KIRREL3: variants seen among roughly 807,000 people sequenced by gnomAD.
KIRREL3 encodes kirre like nephrin family adhesion molecule 3.
KIRREL3 carries 36 observed loss-of-function variants against 89.7 expected under a neutral mutation model. The ratio of observed to expected loss-of-function variants is 0.40; its 90% CI spans 0.31 to 0.53. The LOEUF (loss-of-function observed/expected upper bound fraction) is 0.53, where lower values mean the gene tolerates loss of function less well. Among genes scored for constraint, KIRREL3 ranks in the 20% least tolerant of loss-of-function variants. KIRREL3 has a pLI of 0.49. For missense variants in KIRREL3, 864 were observed against 1,056.6 expected (o/e 0.82, Z 2.53); for synonymous variants, 445 against 441.4 (o/e 1.01, Z -0.10).
intron 1 of KIRREL3, among the ~76,000 whole-genome samples, chr11:126,847,326 A>C (rs1479754547): frequency 6.6e-6 from 1 of 152,200 alleles, no homozygotes; most frequent in Non-Finnish European, 1.5e-5. Context: ...GAATTGTTAC[A>C]TAAAATCATT....
Position 126,669,513 on chromosome 11 carries a change from T to G in KIRREL3, c.56-106601A>C, listed in dbSNP as rs1945840233. On this transcript the variant is annotated intron_variant, in intron 1 of 16. Coordinates refer to ENST00000525144, the MANE Select transcript of KIRREL3 (RefSeq NM_032531.4). The surrounding 1 kb of genome is among the most constrained non-coding windows in gnomAD (Gnocchi z 5.0). ...GGCTTAATCATGGGCGGTTAGATTT[T>G]TAACTTCTGGTTCGGACTAATACAT... is the stretch of plus-strand genomic sequence containing the variant. 1.3e-5 allele frequency among the ~76,000 whole-genome samples: 2 copies of G among 152,226 alleles called. No individual in the cohort carries two copies. The highest frequency in any genetic ancestry group is 4.8e-5 in the African/African-American group (2 of 41,456).
At chr11:126,956,041 C>T (rs1429024595) in intron 1 of KIRREL3, among the ~76,000 whole-genome samples, 1 of 152,228 alleles carries the variant, frequency 6.6e-6, no homozygotes, top group Non-Finnish European at 1.5e-5. Flanking sequence ...GGGTTGTTTT[C>T]TGTCATTGAG....
At position 126,587,477 on chromosome 11, in the gene KIRREL3, C is replaced by G. The variant is rs1333811289; in HGVS notation, c.56-24565G>C. Among the ~76,000 whole-genome samples the G allele has an allele frequency of 1.3e-5, 2 of 152,122 alleles. No homozygotes were observed. Among genetic ancestry groups the G allele is most frequent in the East Asian group, 3.9e-4 (2 of 5,176 alleles). On this transcript the variant is annotated intron_variant, in intron 1 of 16. Coordinates refer to ENST00000525144, the MANE Select transcript of KIRREL3 (RefSeq NM_032531.4). This position sits in a 1 kb window ranked among gnomAD's most constrained non-coding sequence, Gnocchi z 5.2. ...CATGGAGCCATCACATTCCCAAACCCACAGCGCTTCCCTCTCACCAACCCT... is the reference window on the plus strand; with the variant it reads ...CATGGAGCCATCACATTCCCAAACCGACAGCGCTTCCCTCTCACCAACCCT...
At position 126,892,096 on chromosome 11, in the gene KIRREL3, G is replaced by A. The variant is rs917399075; in HGVS notation, c.55+108359C>T. Reference sequence around the variant, plus strand: ...TCAGTGTCTCTGTGCACCAGAGAGAGGCCACTTAGCCTCCCTTGGCCTCAA... The same window carrying A: ...TCAGTGTCTCTGTGCACCAGAGAGAAGCCACTTAGCCTCCCTTGGCCTCAA... On this transcript the variant is annotated intron_variant, in intron 1 of 16. Transcript: ENST00000525144. The surrounding 1 kb of genome is among the most constrained non-coding windows in gnomAD (Gnocchi z 5.4). Among the ~76,000 whole-genome samples the A allele has an allele frequency of 1.3e-5, 2 of 152,122 alleles. No individual in the cohort carries two copies. The highest frequency in any genetic ancestry group is 4.8e-5 in the African/African-American group (2 of 41,428).
chr11:126,808,766 G>A lies in KIRREL3; in HGVS notation c.55+191689C>T, dbSNP rs183862941. Among the ~76,000 whole-genome samples, 8 of 152,222 alleles carry A rather than the reference G, an allele frequency of 5.3e-5. No homozygotes were observed. The highest frequency in any genetic ancestry group is 1.9e-4 in the East Asian group (1 of 5,194). On this transcript the variant is annotated intron_variant, in intron 1 of 16. Transcript: ENST00000525144. The surrounding 1 kb of genome is among the most constrained non-coding windows in gnomAD (Gnocchi z 4.1). The stretch of plus-strand genomic sequence containing the variant: ...CATATATAGAATGAATTGTTGAGAC[G>A]GAGAATATATTTTGCCATCTCAGTG...
At position 126,876,651 on chromosome 11, in the gene KIRREL3, C is replaced by T. The variant is rs1428189474; in HGVS notation, c.55+123804G>A. ...CTCCAGGGTTCAAGCAATTGTCCTG[C>T]CTCAGCCTTCCAAGTAGCTGGGATT... On this transcript the variant is annotated intron_variant, in intron 1 of 16. Transcript: ENST00000525144. This position sits in a 1 kb window ranked among gnomAD's most constrained non-coding sequence, Gnocchi z 4.1. Among the ~76,000 whole-genome samples, 1 of 151,826 alleles carries T rather than the reference C, an allele frequency of 6.6e-6. No homozygotes were observed. Among genetic ancestry groups the T allele is most frequent in the African/African-American group, 2.4e-5 (1 of 41,278 alleles).
Position 126,897,559 on chromosome 11 carries a change from G to A in KIRREL3, c.55+102896C>T, listed in dbSNP as rs965001670. On this transcript the variant is annotated intron_variant, in intron 1 of 16. Transcript: ENST00000525144. This position sits in a 1 kb window ranked among gnomAD's most constrained non-coding sequence, Gnocchi z 4.2. ...GCTCCCACAGAGGGTTAAAGGCACAGCATCCTCCTGTTTGTATATAGCAGA... is the reference window on the plus strand; with the variant it reads ...GCTCCCACAGAGGGTTAAAGGCACAACATCCTCCTGTTTGTATATAGCAGA... 2.0e-5 allele frequency among the ~76,000 whole-genome samples: 3 copies of A among 152,156 alleles called. No homozygotes were observed. The highest frequency in any genetic ancestry group is 4.1e-4 in the South Asian group (2 of 4,822).
rs2134423670 is a variant in KIRREL3 at position 126,519,695 on chromosome 11, G to A, written c.433+1620C>T. Among the ~76,000 whole-genome samples the A allele has an allele frequency of 6.6e-6, 1 of 152,288 alleles. No individual in the cohort carries two copies. The highest frequency in any genetic ancestry group is 3.4e-3 in the Middle Eastern group (1 of 294). ...ATTCTTCTGAGGATGGAGGGGCTGA[G>A]CCATCTCTGAAGATGAGGAGCCTAC... On this transcript the variant is annotated intron_variant, in intron 4 of 16. Coordinates refer to ENST00000525144, the MANE Select transcript of KIRREL3 (RefSeq NM_032531.4). The surrounding 1 kb of genome is among the most constrained non-coding windows in gnomAD (Gnocchi z 4.3).
chr11:126,451,390 G>C (rs932016575), intron 7 of KIRREL3, among the ~76,000 whole-genome samples: 13 of 148,646 alleles, frequency 8.7e-5, no homozygotes, highest in Admixed American at 2.7e-4. Flanking sequence ...GTGCATGTGT[G>C]AACGTGTGCA....
chr11:126,866,774 C>A (rs746621528), intron 1 of KIRREL3, among the ~76,000 whole-genome samples: 1 of 152,104 alleles, frequency 6.6e-6, no homozygotes, highest in Non-Finnish European at 1.5e-5. Context: ...ATGACGCAGA[C>A]GCGAGGAGAA....
At chr11:126,959,961 T>C (rs75310591) in intron 1 of KIRREL3, among the ~76,000 whole-genome samples, 1 of 152,192 alleles carries the variant, frequency 6.6e-6, no homozygotes, top group Non-Finnish European at 1.5e-5. Context: ...CTGTACTCCT[T>C]CTGGGTAGGA....
chr11:126,939,966 A>T (rs1323337400), intron 1 of KIRREL3, among the ~76,000 whole-genome samples: 1 of 152,064 alleles, frequency 6.6e-6, no homozygotes, highest in Non-Finnish European at 1.5e-5. Flanking sequence ...ATCTGATTAG[A>T]CTTTACCTCC....
intron 12 of KIRREL3, among the ~76,000 whole-genome samples, chr11:126,435,981 C>T (rs573879491): frequency 2.6e-5 from 4 of 152,340 alleles, no homozygotes; most frequent in South Asian, 2.1e-4. Flanking sequence ...TCTCAGAACC[C>T]GGCTTGCTGC....
chr11:126,625,264 C>T (rs1298324044), intron 1 of KIRREL3, among the ~76,000 whole-genome samples: 2 of 152,134 alleles, frequency 1.3e-5, no homozygotes, highest in East Asian at 1.9e-4. Context: ...GGCTACAATC[C>T]AGGTCTCAGG....
intron 1 of KIRREL3, among the ~76,000 whole-genome samples, chr11:126,670,576 C>T (rs1481487492): frequency 6.6e-6 from 1 of 152,116 alleles, no homozygotes; most frequent in Non-Finnish European, 1.5e-5. Flanking sequence ...TAAGAAAACA[C>T]CTAGTAAGTC....
chr11:126,901,229 A>AT (rs1447238450), intron 1 of KIRREL3, among the ~76,000 whole-genome samples: 1 of 151,620 alleles, frequency 6.6e-6, no homozygotes, highest in Non-Finnish European at 1.5e-5. Flanking sequence ...AAAAAAAAAA[A>AT]AAAGACTCTG....
rs1420062351 is a variant in KIRREL3, at chr11:126,454,591, CAG to C, written c.848+1756_848+1757del. On this transcript the variant is annotated intron_variant, in intron 7 of 16. Transcript: ENST00000525144. This position sits in a 1 kb window ranked among gnomAD's most constrained non-coding sequence, Gnocchi z 5.8. ...CCAGGAGCAGAGACCTGGGAGCAGA[CAG>C]AGGAGAGAAGCTGAACTTGTATGGA... 6.6e-6 allele frequency among the ~76,000 whole-genome samples: 1 copy of C among 152,052 alleles called. No individual in the cohort carries two copies. Among genetic ancestry groups the C allele is most frequent in the Non-Finnish European group, 1.5e-5 (1 of 68,020 alleles).
rs1940875763 is a variant in KIRREL3 at position 126,570,854 on chromosome 11, A to G, written c.56-7942T>C. On this transcript the variant is annotated intron_variant, in intron 1 of 16. Coordinates refer to ENST00000525144, the MANE Select transcript of KIRREL3 (RefSeq NM_032531.4). This position sits in a 1 kb window ranked among gnomAD's most constrained non-coding sequence, Gnocchi z 6.1. ...CTTCGGCTTCTCCAAATCTCTGCTCACTGGCTTAAGTCTGTACATCTCAGG... is the reference window on the plus strand; with the variant it reads ...CTTCGGCTTCTCCAAATCTCTGCTCGCTGGCTTAAGTCTGTACATCTCAGG... Among the ~76,000 whole-genome samples, 1 of 152,166 alleles carries G rather than the reference A, an allele frequency of 6.6e-6. No homozygotes were observed. Among genetic ancestry groups the G allele is most frequent in the South Asian group, 2.1e-4 (1 of 4,834 alleles).
intron 1 of KIRREL3, among the ~76,000 whole-genome samples, chr11:126,998,446 C>G (rs990078097): frequency 1.3e-5 from 2 of 152,118 alleles, no homozygotes; most frequent in African/African-American, 4.8e-5. Flanking sequence ...AGCCTCTGGA[C>G]CAGGTATCTA....
Sources: allele counts gnomAD v4.1 joint callset (sites outside exome capture counted in the v4.1 genomes callset), GRCh38; gene constraint gnomAD v4.1.1; non-coding constraint Gnocchi (gnomAD v3.1); transcripts MANE v1.5; gene names NCBI Gene and HGNC (gene_info 2026-07-23, HGNC 2026-07-21).